The following STIM2 variants were observed in gnomAD, a reference collection of about 807,000 sequenced individuals.
STIM2 encodes stromal interaction molecule 2.
Under a neutral mutation model 85.8 loss-of-function variants are expected in STIM2, and 31 were observed. The ratio of observed to expected loss-of-function variants is 0.36; its 90% CI spans 0.27 to 0.49. The LOEUF is 0.49. Ranked by LOEUF, STIM2 falls within the 20% of genes least tolerant of loss-of-function variation. STIM2 has a pLI of 0.98. For synonymous variants in STIM2, 356 were observed against 331.1 expected (o/e 1.08, Z -0.82); for missense variants, 841 against 927.6 (o/e 0.91, Z 1.21).
chr4:26,911,502 G>A (rs922429297), intron 1 of STIM2, among the ~76,000 whole-genome samples: 3 of 152,150 alleles, frequency 2.0e-5, no homozygotes, highest in African/African-American at 7.2e-5. Flanking sequence ...GTTTAGAATA[G>A]TACTTAAGCC....
At chr4:27,000,814 GT>G (rs34023366) in intron 5 of STIM2, among the ~76,000 whole-genome samples, 136,778 of 148,876 alleles carry the variant, frequency 0.92, 62,958 homozygotes, top group East Asian at 0.98. Flanking sequence ...ACATTTTAAA[GT>G]TTTTTTTTTT....
chr4:26,914,886 G>C (rs1437769526), intron 1 of STIM2, among the ~76,000 whole-genome samples: 1 of 152,204 alleles, frequency 6.6e-6, no homozygotes, highest in Non-Finnish European at 1.5e-5. Flanking sequence ...GGTGTCTGAT[G>C]ATCTCCTTCC....
At position 26,986,743 on chromosome 4, in the gene STIM2, T is replaced by C. The variant is rs141785808; in HGVS notation, c.398-8636T>C. 6.7e-3 allele frequency among the ~76,000 whole-genome samples: 1,023 copies of C among 152,304 alleles called. 20 individuals are homozygous for C. Among genetic ancestry groups the C allele is most frequent in the African/African-American group, 0.024 (981 of 41,554 alleles). On this transcript the variant is annotated intron_variant, in intron 3 of 11. Transcript: ENST00000467087. ...AGGATTCACCAGTGCTGCTTTAAAG[T>C]GAGATATCAGGCAGACAGTATTATT...
rs911589753 is a variant in STIM2, at chr4:26,919,399, T to C, written c.152-105T>C. 9 of 1,467,510 alleles carry C rather than the reference T, an allele frequency of 6.1e-6. No homozygotes were observed. The East Asian group carries it at 9.1e-5, about 15-fold the overall frequency. The allele number at this position is 1,467,510 out of a possible 1,614,324, so 90.9% of individuals were successfully genotyped here. A position where few individuals can be genotyped will look rare whatever the true frequency, so the allele number is the denominator to read the frequency against. On this transcript the variant is annotated intron_variant, in intron 1 of 11. Coordinates refer to ENST00000467087, the MANE Select transcript of STIM2 (RefSeq NM_020860.4). ...ACGTTTTAAAGTCTCTTAGTTTAAC[T>C]TAGTCTGAAGTTTAATTCTGTTGGT...
At chr4:26,918,092 C>T (rs1435620626) in intron 1 of STIM2, among the ~76,000 whole-genome samples, 3 of 151,906 alleles carry the variant, frequency 2.0e-5, no homozygotes, top group Non-Finnish European at 4.4e-5. Flanking sequence ...TTTATAGTTT[C>T]CTTTCTTTTC....
Position 27,024,897 on chromosome 4 carries a change from T to G in STIM2, c.*1901T>G, listed in dbSNP as rs1229261769. 6.6e-6 allele frequency: 1 copy of G among 152,202 alleles called. No individual in the cohort carries two copies. The highest frequency in any genetic ancestry group is 2.4e-5 in the African/African-American group (1 of 41,436). 9.4% of individuals were successfully genotyped at this position (152,202 alleles called of 1,614,324 possible). A position where few individuals can be genotyped will look rare whatever the true frequency, so the allele number is the denominator to read the frequency against. On this transcript the variant is annotated 3_prime_UTR_variant, in exon 12 of 12. Transcript: ENST00000467087. Reference sequence around the variant, plus strand: ...AAAATTGCAAAAGGAATGAGAACTTTGCAGTTGGATGAATAGAGAAGGGAA... The same window carrying G: ...AAAATTGCAAAAGGAATGAGAACTTGGCAGTTGGATGAATAGAGAAGGGAA...
At chr4:26,945,794 T>G (rs941397335) in intron 2 of STIM2, among the ~76,000 whole-genome samples, 12 of 151,320 alleles carry the variant, frequency 7.9e-5, no homozygotes, top group African/African-American at 2.7e-4. Context: ...TTTAATGGGG[T>G]TTTTTTTTCT....
intron 3 of STIM2, among the ~76,000 whole-genome samples, chr4:26,965,915 G>A (rs1004853850): frequency 6.6e-6 from 1 of 152,134 alleles, no homozygotes. Flanking sequence ...GTAGGAACAC[G>A]TGAAATAAAT....
At chr4:27,006,954 A>G (rs1728383648) in intron 7 of STIM2, among the ~76,000 whole-genome samples, 1 of 152,224 alleles carries the variant, frequency 6.6e-6, no homozygotes, top group African/African-American at 2.4e-5. Context: ...ACAGTAAGAA[A>G]TAACTGGCCA....
intron 1 of STIM2, among the ~76,000 whole-genome samples, chr4:26,901,226 T>G (rs1410813164): frequency 6.6e-6 from 1 of 152,194 alleles, no homozygotes; most frequent in Non-Finnish European, 1.5e-5. Flanking sequence ...AAATTTTTAC[T>G]TAGGTAATTT....
intron 2 of STIM2, among the ~76,000 whole-genome samples, chr4:26,930,878 A>C (rs944243205): frequency 5.3e-5 from 8 of 152,196 alleles, no homozygotes; most frequent in Non-Finnish European, 1.2e-4. Context: ...TAGTGGCTTA[A>C]AGCAACACAC....
At chr4:26,971,647 C>T (rs1329688847) in intron 3 of STIM2, among the ~76,000 whole-genome samples, 1 of 152,152 alleles carries the variant, frequency 6.6e-6, no homozygotes, top group Non-Finnish European at 1.5e-5. Flanking sequence ...GCTACTGTAG[C>T]CTTGTAGTAT....
In STIM2 at chr4:27,001,130, A is replaced by C. The variant is rs1052002144; in HGVS notation, c.626-1087A>C. 2.6e-5 allele frequency among the ~76,000 whole-genome samples: 4 copies of C among 152,214 alleles called. No individual in the cohort carries two copies. In the East Asian group the frequency reaches 7.7e-4, roughly 29 times the overall value. On this transcript the variant is annotated intron_variant, in intron 5 of 11. Coordinates refer to ENST00000467087, the MANE Select transcript of STIM2 (RefSeq NM_020860.4). ...CAAACCCCAGACTTGTCAGCCTAGG[A>C]ACTTCTGTAGAACTCTTTTATGTCA...
At chr4:26,862,479 C>T (rs1722255051) in intron 1 of STIM2, among the ~76,000 whole-genome samples, 1 of 152,172 alleles carries the variant, frequency 6.6e-6, no homozygotes, top group African/African-American at 2.4e-5. Flanking sequence ...CTAACAGCTT[C>T]TCTGACAAGT....
intron 5 of STIM2, among the ~76,000 whole-genome samples, chr4:26,999,797 T>C (rs369696049): frequency 3.3e-5 from 5 of 152,300 alleles, no homozygotes; most frequent in African/African-American, 1.2e-4. Context: ...AAAGACTCAC[T>C]TGAAGCTTTA....
At chr4:26,996,126 G>T (rs980876533) in intron 4 of STIM2, among the ~76,000 whole-genome samples, 1 of 151,986 alleles carries the variant, frequency 6.6e-6, no homozygotes, top group African/African-American at 2.4e-5. Flanking sequence ...TGATAGCAAA[G>T]TCCAGGTTGC....
chr4:27,002,425 G>A lies in STIM2; in HGVS notation c.803+31G>A, dbSNP rs148831176. 9 of 1,545,810 alleles carry A rather than the reference G, an allele frequency of 5.8e-6. No homozygotes were observed. The East Asian group carries it at 6.8e-5, about 12-fold the overall frequency. On this transcript the variant is annotated intron_variant, in intron 6 of 11. Coordinates refer to ENST00000467087, the MANE Select transcript of STIM2 (RefSeq NM_020860.4). The stretch of plus-strand genomic sequence containing the variant: ...TTCAGAAAAATCATAACTCATTTAT[G>A]TAGGCAAATACAATTTGTAAAAAAA...
intron 10 of STIM2, among the ~76,000 whole-genome samples, chr4:27,016,380 G>A (rs576095560): frequency 6.6e-6 from 1 of 152,092 alleles, no homozygotes; most frequent in East Asian, 1.9e-4. Context: ...AAGGAGATTG[G>A]CATTATTCCA....
chr4:26,968,619 AATATGAATAT>A (rs1726819665), intron 3 of STIM2, among the ~76,000 whole-genome samples: 1 of 152,192 alleles, frequency 6.6e-6, no homozygotes, highest in African/African-American at 2.4e-5. Flanking sequence ...GTTGCACAAC[AATATGAATAT>A]ACTTCATACC....
Sources: allele counts gnomAD v4.1 joint callset (sites outside exome capture counted in the v4.1 genomes callset), GRCh38; gene constraint gnomAD v4.1.1; transcripts MANE v1.5; gene names NCBI Gene and HGNC (gene_info 2026-07-23, HGNC 2026-07-21).